SKAP2: variants seen among roughly 807,000 people sequenced by gnomAD.
SKAP2 encodes src kinase-associated phosphoprotein 2.
Under a neutral mutation model 54.9 loss-of-function variants are expected in SKAP2, and 28 were observed. The ratio of observed to expected loss-of-function variants is 0.51; its 90% CI spans 0.38 to 0.70. The LOEUF (loss-of-function observed/expected upper bound fraction) is 0.70, where lower values mean the gene tolerates loss of function less well. Among genes scored for constraint, SKAP2 ranks in the 30% least tolerant of loss-of-function variants. SKAP2 has a pLI of 0.00. For synonymous variants in SKAP2, 137 were observed against 134.3 expected, an observed-to-expected ratio of 1.02 and a Z score of -0.14; for missense variants, 356 against 424.1, an observed-to-expected ratio of 0.84 and a Z score of 1.41.
intron 10 of SKAP2, among the ~76,000 whole-genome samples, chr7:26,689,256 T>C (rs1006734573): frequency 6.6e-5 from 10 of 152,132 alleles, no homozygotes; most frequent in Non-Finnish European, 1.5e-4. Context: ...CTCTAGCTTT[T>C]TGCAAGACAC....
intron 11 of SKAP2, among the ~76,000 whole-genome samples, chr7:26,681,248 G>A (rs1028026100): frequency 6.6e-6 from 1 of 152,096 alleles, no homozygotes; most frequent in Admixed American, 6.5e-5. Context: ...TCAGGAGTTC[G>A]AGACCAGCCT....
rs1786125687 is a variant in SKAP2 at position 26,667,489 on chromosome 7, T to G, written c.*2177A>C. 6.6e-6 allele frequency: 1 copy of G among 152,602 alleles called. No homozygotes were observed. Among genetic ancestry groups the G allele is most frequent in the Non-Finnish European group, 1.5e-5 (1 of 68,030 alleles). 9.5% of individuals were successfully genotyped at this position (152,602 alleles called of 1,614,324 possible). A position where few individuals can be genotyped will look rare whatever the true frequency, so the allele number is the denominator to read the frequency against. On this transcript the variant is annotated 3_prime_UTR_variant, in exon 13 of 13. Transcript: ENST00000345317. ...CCTGTCACTCCAGTTTTAAGTCTTT[T>G]CTTTCCTTTCTTATGTCTCCCACCT...
At chr7:26,735,566 G>A (rs991898348) in intron 6 of SKAP2, among the ~76,000 whole-genome samples, 1 of 152,112 alleles carries the variant, frequency 6.6e-6, no homozygotes, top group African/African-American at 2.4e-5. Context: ...TGTGAACTAT[G>A]TATCTGTCAA....
At chr7:26,724,055 A>G (rs1307232799) in intron 9 of SKAP2, among the ~76,000 whole-genome samples, 1 of 148,148 alleles carries the variant, frequency 6.8e-6, no homozygotes, top group Non-Finnish European at 1.5e-5. Context: ...TAGCTCCACT[A>G]AACAACTGAA....
At chr7:26,694,431 T>C (rs547155671) in intron 9 of SKAP2, among the ~76,000 whole-genome samples, 7 of 151,406 alleles carry the variant, frequency 4.6e-5, no homozygotes, top group Admixed American at 1.3e-4. Flanking sequence ...ATTATTCCAA[T>C]CACACATTGT....
intron 3 of SKAP2, among the ~76,000 whole-genome samples, chr7:26,845,126 A>T (rs1397372259): frequency 6.6e-6 from 1 of 152,180 alleles, no homozygotes; most frequent in Non-Finnish European, 1.5e-5. Flanking sequence ...CACCTCAGGG[A>T]TTACCCTTAA....
At position 26,670,114 on chromosome 7, in the gene SKAP2, T is replaced by C. The variant is rs763283732; in HGVS notation, c.1066A>G (p.Met356Val). ...ACCCAGGACTCTCAAATATCATACA[T>C]CTCCATTATGTAGGCTTTAGGCACC... The part of the protein sequence containing the change: ...GLVPKAYIME[M>V]YDI The change falls in exon 12 of 13, where the codon ATG becomes GTG. Residue 356 changes from methionine (M) to valine (V), a missense_variant. Transcript: ENST00000345317. 2.0e-6 allele frequency: 3 copies of C among 1,493,090 alleles called. No individual in the cohort carries two copies. Among genetic ancestry groups the C allele is most frequent in the Non-Finnish European group, 9.3e-7 (1 of 1,069,736 alleles). The allele number at this position is 1,493,090 out of a possible 1,614,324, so 92.5% of individuals were successfully genotyped here. A position where few individuals can be genotyped will look rare whatever the true frequency, so the allele number is the denominator to read the frequency against.
intron 4 of SKAP2, among the ~76,000 whole-genome samples, chr7:26,808,646 T>TAA (rs57210622): frequency 1.8e-4 from 27 of 150,862 alleles, no homozygotes; most frequent in African/African-American, 3.4e-4. Context: ...TTTACCATAA[T>TAA]AAAAAAAAAG....
At chr7:26,715,774 T>C (rs1032323523) in intron 9 of SKAP2, among the ~76,000 whole-genome samples, 1 of 152,078 alleles carries the variant, frequency 6.6e-6, no homozygotes, top group Admixed American at 6.6e-5. Context: ...AACAAAACTC[T>C]GTTCCCTCCC....
In SKAP2 at chr7:26,690,344, G is replaced by A; in HGVS notation, c.815C>T (p.Ala272Val). Reference protein sequence around the residue: ...EELPEEEEDSAPVKVEEQRKM... With the variant: ...EELPEEEEDSVPVKVEEQRKM... ...CCTTTGTTCTTCCACTTTCACTGGA[G>A]CACTGTCCTCTTCTTCTTCTGTAAA... The change falls in exon 10 of 13, where the codon GCT (alanine) becomes GTT (valine). Residue 272 changes from alanine (A) to valine (V), a missense_variant. Transcript: ENST00000345317. 1 of 1,610,492 alleles carries A rather than the reference G, an allele frequency of 6.2e-7. No homozygotes were observed.
chr7:26,819,086 G>A (rs1391265423), intron 4 of SKAP2, among the ~76,000 whole-genome samples: 1 of 152,010 alleles, frequency 6.6e-6, no homozygotes, highest in Non-Finnish European at 1.5e-5. Flanking sequence ...ATACCCAAAG[G>A]CTTATAAATC....
At chr7:26,754,882 T>C (rs1039937102) in intron 4 of SKAP2, among the ~76,000 whole-genome samples, 3 of 152,172 alleles carry the variant, frequency 2.0e-5, no homozygotes, top group Non-Finnish European at 4.4e-5. Context: ...ATGTGAAATA[T>C]ACAATGACCT....
At chr7:26,854,198 A>T in intron 2 of SKAP2, 36 bp from the exon 3 acceptor site, 1 of 1,425,252 alleles carries the variant, frequency 7.0e-7, no homozygotes, top group Non-Finnish European at 9.7e-7. Flanking sequence ...AATGAGGTTG[A>T]AAAATCAAAA....
chr7:26,834,564 C>G (rs1389349512), intron 4 of SKAP2, among the ~76,000 whole-genome samples: 3 of 152,242 alleles, frequency 2.0e-5, no homozygotes, highest in Middle Eastern at 3.4e-3. Context: ...ATACTATAAA[C>G]ACCTCTATGC....
intron 9 of SKAP2, among the ~76,000 whole-genome samples, chr7:26,715,371 T>C (rs1787406674): frequency 1.3e-5 from 2 of 151,736 alleles, no homozygotes; most frequent in Non-Finnish European, 2.9e-5. Context: ...CTTTTTCTCT[T>C]GTTAAAGTTT....
intron 11 of SKAP2, 46 bp from the exon 12 acceptor site, chr7:26,670,238 T>C: frequency 1.2e-6 from 1 of 859,828 alleles, no homozygotes. Flanking sequence ...CTGGTGTAAG[T>C]ACAATGTCGT....
Position 26,782,106 on chromosome 7 carries a change from T to A in SKAP2, c.308-42142A>T, listed in dbSNP as rs541400023. Among the ~76,000 whole-genome samples, 240 of 152,344 alleles carry A rather than the reference T, an allele frequency of 1.6e-3. 2 individuals are homozygous for A. Among genetic ancestry groups the A allele is most frequent in the Admixed American group, 2.9e-3 (45 of 15,296 alleles). Reference sequence around the variant, plus strand: ...AGGGGCAGGATTGATGGATTCCCAATACTTGGCACAATCCTGGCATATAGC... The same window carrying A: ...AGGGGCAGGATTGATGGATTCCCAAAACTTGGCACAATCCTGGCATATAGC... On this transcript the variant is annotated intron_variant, in intron 4 of 12. Coordinates refer to ENST00000345317, the MANE Select transcript of SKAP2 (RefSeq NM_003930.5).
chr7:26,845,621 A>C (rs949892903), intron 3 of SKAP2, among the ~76,000 whole-genome samples: 1 of 152,140 alleles, frequency 6.6e-6, no homozygotes, highest in Non-Finnish European at 1.5e-5. Context: ...ATCCCTTACA[A>C]TATTTCTCTT....
intron 4 of SKAP2, among the ~76,000 whole-genome samples, chr7:26,812,196 C>T (rs1248516194): frequency 5.9e-5 from 9 of 152,062 alleles, no homozygotes; most frequent in Non-Finnish European, 1.3e-4. Flanking sequence ...CTTTTGGGCT[C>T]TAGGTTGCCA....
Sources: allele counts gnomAD v4.1 joint callset (sites outside exome capture counted in the v4.1 genomes callset), GRCh38; gene constraint gnomAD v4.1.1; transcripts MANE v1.5; gene names NCBI Gene and HGNC (gene_info 2026-07-23, HGNC 2026-07-21).